CEMIP: variants seen among roughly 807,000 people sequenced by gnomAD.
CEMIP encodes the protein cell migration inducing hyaluronidase 1.
CEMIP carries 105 observed loss-of-function variants against 156.9 expected under a neutral mutation model. That is an observed-to-expected ratio of 0.67 (90% CI 0.57 to 0.79). CEMIP has a LOEUF of 0.79. Ranked by LOEUF, CEMIP falls within the 30% of genes least tolerant of loss-of-function variation. The pLI, the probability that CEMIP is intolerant of heterozygous loss-of-function variation, is 0.00. For synonymous variants in CEMIP, 676 were observed against 668.4 expected (o/e 1.01, Z -0.17); for missense variants, 1,457 against 1,769.4 (o/e 0.82, Z 3.17).
Position 80,879,755 on chromosome 15 carries a change from T to C in CEMIP, c.281T>C (p.Leu94Ser). Residue 94 changes from leucine (L) to serine (S), a missense_variant, in exon 5 of 30, where the codon TTG becomes TCG. Physicochemically the swap from Leu to Ser is moderately radical, Grantham distance 145. Transcript: ENST00000394685. ...AAAGACCACGACGAGCCGATTGTTT[T>C]GCGAACCCGGCACATCCTGATTGAC... ...VIKDHDEPIV[L>S]RTRHILIDNG... The C allele has an allele frequency of 6.2e-7, 1 of 1,614,232 alleles. No individual in the cohort carries two copies. Among genetic ancestry groups the C allele is most frequent in the Non-Finnish European group, 8.5e-7 (1 of 1,180,034 alleles).
At chr15:80,784,513 G>A (rs1326182942) in intron 1 of CEMIP, among the ~76,000 whole-genome samples, 1 of 152,148 alleles carries the variant, frequency 6.6e-6, no homozygotes, top group African/African-American at 2.4e-5. Flanking sequence ...GTGGCCTGGA[G>A]GACAGGCACA....
chr15:80,903,460 T>C (rs1222886175), intron 12 of CEMIP, among the ~76,000 whole-genome samples: 1 of 152,122 alleles, frequency 6.6e-6, no homozygotes, highest in African/African-American at 2.4e-5. Context: ...GATACACGCA[T>C]GGAAGCTCTG....
In CEMIP at chr15:80,862,550, G is replaced by C. The variant is rs1898013710; in HGVS notation, c.-175-10988G>C. On this transcript the variant is annotated intron_variant, in intron 1 of 29. Transcript: ENST00000394685. ...TAATACCATGGGAGCCAGGTCACCT[G>C]GCTGTGGAACATGTAACTGAGCATG... Among the ~76,000 whole-genome samples the C allele has an allele frequency of 2.0e-5, 3 of 152,186 alleles. No individual in the cohort carries two copies. The South Asian group carries it at 6.2e-4, about 32-fold the overall frequency.
intron 1 of CEMIP, among the ~76,000 whole-genome samples, chr15:80,859,233 A>C (rs767503912): frequency 6.6e-6 from 1 of 152,236 alleles, no homozygotes; most frequent in Non-Finnish European, 1.5e-5. Flanking sequence ...CTGAGAGTAA[A>C]GGGAAAGATG....
At chr15:80,851,894 A>G (rs753825626) in intron 1 of CEMIP, among the ~76,000 whole-genome samples, 3 of 152,200 alleles carry the variant, frequency 2.0e-5, no homozygotes, top group African/African-American at 4.8e-5. Flanking sequence ...CTATCCTGGC[A>G]GCAGTGTAGG....
intron 14 of CEMIP, among the ~76,000 whole-genome samples, chr15:80,918,127 T>TA (rs1259439802): frequency 6.6e-6 from 1 of 152,020 alleles, no homozygotes; most frequent in Admixed American, 6.5e-5. Flanking sequence ...ATACAAAAAT[T>TA]AGTCATTCGT....
chr15:80,905,653 AG>A (rs1355105010), intron 12 of CEMIP, among the ~76,000 whole-genome samples: 2 of 152,114 alleles, frequency 1.3e-5, no homozygotes, highest in African/African-American at 4.8e-5. Flanking sequence ...AATTACTAGG[AG>A]GGGTAGCAGA....
chr15:80,798,933 A>G (rs1346497595), intron 1 of CEMIP, among the ~76,000 whole-genome samples: 1 of 152,208 alleles, frequency 6.6e-6, no homozygotes, highest in African/African-American at 2.4e-5. Context: ...TTCATAGTGC[A>G]AGAAGAAACT....
rs1242953981 is a variant in CEMIP, at chr15:80,901,066, TCA to T, written c.1411+5009_1411+5010del. The T allele has an allele frequency of 1.9e-5, 8 of 428,576 alleles. 1 individual carries two copies. The highest frequency in any genetic ancestry group is 1.0e-4 in the Admixed American group (4 of 40,146). 26.5% of individuals were successfully genotyped at this position (428,576 alleles called of 1,614,324 possible). On this transcript the variant is annotated intron_variant, in intron 12 of 29. Coordinates refer to ENST00000394685, the MANE Select transcript of CEMIP (RefSeq NM_001293298.2). ...CAACCACAGTATGATTACCAACACC[TCA>T]CAGTGTGGCAGTTGGAACTCCCCTC... is the stretch of plus-strand genomic sequence containing the variant.
At chr15:80,916,643 T>C (rs1386058906) in intron 14 of CEMIP, among the ~76,000 whole-genome samples, 1 of 152,194 alleles carries the variant, frequency 6.6e-6, no homozygotes, top group African/African-American at 2.4e-5. Flanking sequence ...TCTCAAGCTA[T>C]GTCACAGTTT....
Position 80,895,080 on chromosome 15 carries a change from G to C in CEMIP, c.1177G>C (p.Ala393Pro). ...GTTTGCTTGCTACGACCGGGGCAGA[G>C]CCTGCCGGAGCTACCGTGTACGGTT... ...YRFACYDRGR[A>P]CRSYRVRFLC... Residue 393 changes from alanine to proline, a missense_variant, in exon 11 of 30, where the codon GCC becomes CCC. By Grantham distance (27) the Ala-to-Pro change is conservative (BLOSUM62 -1). Transcript: ENST00000394685. The C allele has an allele frequency of 6.2e-7, 1 of 1,614,240 alleles. No homozygotes were observed.
intron 10 of CEMIP, among the ~76,000 whole-genome samples, chr15:80,892,676 T>C (rs1899070328): frequency 6.6e-6 from 1 of 152,210 alleles, no homozygotes; most frequent in Admixed American, 6.5e-5. Flanking sequence ...GGCAGCCCGC[T>C]CCCTCCAGCG....
intron 12 of CEMIP, chr15:80,901,069 C>T (rs1209137952): frequency 1.4e-5 from 6 of 419,616 alleles, no homozygotes; most frequent in Admixed American, 7.7e-5. Flanking sequence ...CAACACCTCA[C>T]AGTGTGGCAG....
intron 25 of CEMIP, among the ~76,000 whole-genome samples, chr15:80,939,964 A>T (rs1901278200): frequency 6.6e-6 from 1 of 152,216 alleles, no homozygotes; most frequent in Non-Finnish European, 1.5e-5. Flanking sequence ...GAAATATATA[A>T]GCTCTGAATC....
chr15:80,793,389 G>A (rs1328701094), intron 1 of CEMIP, among the ~76,000 whole-genome samples: 1 of 152,212 alleles, frequency 6.6e-6, no homozygotes, highest in Non-Finnish European at 1.5e-5. Context: ...ACGAGGTTAA[G>A]TCTTCTGTGG....
At chr15:80,874,869 T>C (rs909320482) in intron 3 of CEMIP, among the ~76,000 whole-genome samples, 1 of 152,212 alleles carries the variant, frequency 6.6e-6, no homozygotes, top group African/African-American at 2.4e-5. Context: ...TTGAGTTTGA[T>C]GCTTTTCTAT....
chr15:80,786,371 A>G (rs1895938629), intron 1 of CEMIP, among the ~76,000 whole-genome samples: 1 of 152,004 alleles, frequency 6.6e-6, no homozygotes, highest in African/African-American at 2.4e-5. Context: ...GCTGGGACTA[A>G]TTTTAGCTAA....
At chr15:80,837,283 G>C (rs1897289730) in intron 1 of CEMIP, among the ~76,000 whole-genome samples, 1 of 152,214 alleles carries the variant, frequency 6.6e-6, no homozygotes. Flanking sequence ...TAGACAGACA[G>C]ATGGATATGC....
chr15:80,839,955 GA>G (rs2141702818), intron 1 of CEMIP, among the ~76,000 whole-genome samples: 1 of 152,332 alleles, frequency 6.6e-6, no homozygotes, highest in Admixed American at 6.5e-5. Context: ...CTGTAAAAAT[GA>G]AGAAGTGACA....
Sources: gnomAD v4.1 joint callset for allele counts (sites outside exome capture counted in the v4.1 genomes callset) on GRCh38, gnomAD v4.1.1 for gene constraint, MANE v1.5 for transcripts, NCBI Gene and HGNC (gene_info 2026-07-23, HGNC 2026-07-21) for gene names.